DST: variants seen among roughly 807,000 people sequenced by gnomAD.
DST encodes bullous pemphigoid antigen.
In DST, 253 loss-of-function variants were observed where a neutral mutation model predicts 875.2. That is an observed-to-expected ratio of 0.29 (90% CI 0.26 to 0.32). The LOEUF (loss-of-function observed/expected upper bound fraction) is 0.32. DST is among the 10% of genes least tolerant of loss of function. The pLI is 1.00. For missense variants in DST, 8,287 were observed against 9,111.6 expected (o/e 0.91, Z 3.68); for synonymous variants, 3,124 against 3,197.1 (o/e 0.98, Z 0.77).
chr6:56,830,570 C>T (rs192356065), intron 4 of DST, among the ~76,000 whole-genome samples: 8 of 152,262 alleles, frequency 5.3e-5, no homozygotes, highest in Admixed American at 2.0e-4. Context: ...CTTTAGTCAA[C>T]AGGATAGTTT....
At chr6:56,680,096 T>A (rs1369190667) in intron 9 of DST, among the ~76,000 whole-genome samples, 1 of 152,178 alleles carries the variant, frequency 6.6e-6, no homozygotes, top group Non-Finnish European at 1.5e-5. Context: ...CTCAATTCCC[T>A]CTTTACTTAA....
intron 4 of DST, among the ~76,000 whole-genome samples, chr6:56,839,935 C>T (rs1305385869): frequency 1.3e-5 from 2 of 152,118 alleles, no homozygotes; most frequent in Non-Finnish European, 2.9e-5. Context: ...CCAAAACGAC[C>T]ATTCCATGCA....
At chr6:56,815,958 G>C (rs1362804489) in intron 4 of DST, among the ~76,000 whole-genome samples, 1 of 152,134 alleles carries the variant, frequency 6.6e-6, no homozygotes, top group East Asian at 1.9e-4. Flanking sequence ...ACAAAATGAT[G>C]AAAGATCATG....
At chr6:56,805,776 A>G (rs960819489) in intron 4 of DST, among the ~76,000 whole-genome samples, 3 of 152,256 alleles carry the variant, frequency 2.0e-5, no homozygotes, top group Admixed American at 1.3e-4. Context: ...CACTTTGCCC[A>G]GATTTAAACA....
At chr6:56,758,368 C>A (rs1259347599) in intron 4 of DST, among the ~76,000 whole-genome samples, 1 of 152,044 alleles carries the variant, frequency 6.6e-6, no homozygotes, top group East Asian at 1.9e-4. Context: ...GGTGAAACAT[C>A]TAAAAAAACA....
At chr6:56,859,915 C>T (rs541698339) in intron 3 of DST, among the ~76,000 whole-genome samples, 1 of 152,302 alleles carries the variant, frequency 6.6e-6, no homozygotes, top group South Asian at 2.1e-4. Context: ...GCAGTCCCTT[C>T]AGAAGCCAGA....
In DST at chr6:56,870,431, CAA is replaced by C. The variant is rs34119606; in HGVS notation, c.418-18829_418-18828del. ...TTCACTCTATTAAATCTTGCAACTGCAAAAAAAAAAAAAAAAAAAAAAAGAGC... is the reference window on the plus strand; with the variant it reads ...TTCACTCTATTAAATCTTGCAACTGCAAAAAAAAAAAAAAAAAAAAAGAGC... On this transcript the variant is annotated intron_variant, in intron 3 of 103. Coordinates refer to ENST00000680361, the MANE Select transcript of DST (RefSeq NM_001374736.1). Among the ~76,000 whole-genome samples, 81 of 51,368 alleles carry C rather than the reference CAA, an allele frequency of 1.6e-3. 1 individual carries two copies. The East Asian group carries it at 0.019, about 12-fold the overall frequency. The allele number at this position is 51,368 out of a possible 152,430, so 33.7% of individuals were successfully genotyped here.
chr6:56,527,431 T>C, intron 68 of DST, 62 bp downstream of exon 68: 1 of 1,541,380 alleles, frequency 6.5e-7, no homozygotes, highest in Admixed American at 2.0e-5. Flanking sequence ...ATTTTATTTT[T>C]GTGTGAATAA....
intron 9 of DST, among the ~76,000 whole-genome samples, chr6:56,684,245 T>C (rs1563664330): frequency 6.6e-6 from 1 of 152,238 alleles, no homozygotes; most frequent in Admixed American, 6.5e-5. Flanking sequence ...TGAAAGCTTA[T>C]TCACTTTTTT....
chr6:56,786,159 G>T (rs779143371), intron 4 of DST, among the ~76,000 whole-genome samples: 7 of 152,124 alleles, frequency 4.6e-5, no homozygotes, highest in Admixed American at 6.5e-5. Flanking sequence ...TTTCATTTGG[G>T]GGGGAGGGGT....
At chr6:56,517,773 A>C (rs908798598) in intron 69 of DST, among the ~76,000 whole-genome samples, 153 bp from the exon 70 acceptor site, 1 of 152,194 alleles carries the variant, frequency 6.6e-6, no homozygotes, top group Non-Finnish European at 1.5e-5. Flanking sequence ...ATAATGACTA[A>C]ATTTTAAAGA....
At position 56,501,200 on chromosome 6, in the gene DST, C is replaced by T. The variant is rs1358754807; in HGVS notation, c.19776G>A (p.Gln6592=). ...GGAGCTCATCCAGGGCATGTTGGAA[C>T]TGACCCAAGGCTAATAGAGCACCCT... ...KLEGALLALG[Q]FQHALDELLA... The change falls in exon 80 of 104, where the codon CAG becomes CAA. Residue 6592 remains glutamine (Q), a synonymous_variant. Transcript: ENST00000680361. The T allele has an allele frequency of 3.1e-6, 5 of 1,611,452 alleles. No individual in the cohort carries two copies. In the African/African-American group the frequency reaches 6.7e-5, roughly 22 times the overall value.
intron 3 of DST, 27 bp downstream of exon 3, chr6:56,900,394 T>A (rs1193304344): frequency 7.5e-7 from 1 of 1,340,046 alleles, no homozygotes; most frequent in East Asian, 4.6e-5. Context: ...AATTTAATAT[T>A]TTTATAAAAG....
rs1167778574 is a variant in DST, at chr6:56,557,359, A to T, written c.14600T>A (p.Ile4867Asn). 6.2e-7 allele frequency: 1 copy of T among 1,613,708 alleles called. No homozygotes were observed. The highest frequency in any genetic ancestry group is 8.5e-7 in the Non-Finnish European group (1 of 1,179,702). Residue 4867 changes from isoleucine to asparagine, a missense_variant, in exon 59 of 104, where the codon ATT becomes AAT. Ile to Asn is a moderately radical substitution (Grantham distance 149, BLOSUM62 -3). Coordinates refer to ENST00000680361, the MANE Select transcript of DST (RefSeq NM_001374736.1). The stretch of plus-strand genomic sequence containing the variant: ...TTGTGTGTTTAGCATATTTGGGTCA[A>T]TTGACAAGGGCCCAAGAACACTGAC... ...LMVSVLGPLS[I>N]DPNMLNTQRQ... is the part of the protein sequence containing the mutation.
At position 56,568,526 on chromosome 6, in the gene DST, A is replaced by T; in HGVS notation, c.13948T>A (p.Cys4650Ser). Residue 4650 changes from cysteine (C) to serine (S), a missense_variant, in exon 55 of 104, where the codon TGT (cysteine) becomes AGT (serine). By Grantham distance (112) the Cys-to-Ser change is moderately radical. Coordinates refer to ENST00000680361, the MANE Select transcript of DST (RefSeq NM_001374736.1). ...GTGGTCACAGCACTTATTAAGTTAC[A>T]TAGTGAGATCCCACTGTTGTTTACT... Reference protein sequence around the residue: ...QKVNNSGISLCNLISAVTTPA... With the variant: ...QKVNNSGISLSNLISAVTTPA... 6.2e-7 allele frequency: 1 copy of T among 1,612,956 alleles called. No homozygotes were observed. Among genetic ancestry groups the T allele is most frequent in the Non-Finnish European group, 8.5e-7 (1 of 1,179,432 alleles).
chr6:56,596,433 CTTTATG>C (rs2098388085), intron 47 of DST, among the ~76,000 whole-genome samples: 1 of 152,166 alleles, frequency 6.6e-6, no homozygotes, highest in African/African-American at 2.4e-5. Context: ...TGTGTGATAT[CTTTATG>C]TTTAAGTCTA....
At chr6:56,807,595 C>T (rs1283783201) in intron 4 of DST, among the ~76,000 whole-genome samples, 7 of 152,072 alleles carry the variant, frequency 4.6e-5, no homozygotes, top group Non-Finnish European at 1.0e-4. Context: ...AATATAGGGT[C>T]AACAGATTCT....
chr6:56,548,571 A>G (rs777724344), intron 61 of DST, among the ~76,000 whole-genome samples: 24 of 152,208 alleles, frequency 1.6e-4, no homozygotes, highest in Admixed American at 8.5e-4. Flanking sequence ...TTTGAAGATA[A>G]TCTTGAGCTA....
chr6:56,536,913 A>C lies in DST; in HGVS notation c.16636T>G (p.Leu5546Val). 6.2e-7 allele frequency: 1 copy of C among 1,613,910 alleles called. No individual in the cohort carries two copies. The highest frequency in any genetic ancestry group is 1.1e-5 in the South Asian group (1 of 91,058). ...TTTACATCTTGCTGTTTACCTTGCA[A>C]GGGTTCAATCTCTTCTTTCTGGAAT... Reference protein sequence around the residue: ...KVFQKEEIEPLQGKQQDVNWL... With the variant: ...KVFQKEEIEPVQGKQQDVNWL... Residue 5546 changes from leucine to valine, a missense_variant, in exon 62 of 104, where the codon TTG becomes GTG. Coordinates refer to ENST00000680361, the MANE Select transcript of DST (RefSeq NM_001374736.1).
Sources: gnomAD v4.1 joint callset for allele counts (sites outside exome capture counted in the v4.1 genomes callset) on GRCh38, gnomAD v4.1.1 for gene constraint, MANE v1.5 for transcripts, NCBI Gene and HGNC (gene_info 2026-07-23, HGNC 2026-07-21) for gene names.